The following IL1RAP variants were observed in gnomAD, a reference collection of about 807,000 sequenced individuals.
IL1RAP encodes the protein interleukin-1 receptor accessory protein.
In IL1RAP, 35 loss-of-function variants were observed where a neutral mutation model predicts 60.7. The observed-to-expected ratio is 0.58, with a 90% CI of 0.44 to 0.76. The LOEUF (loss-of-function observed/expected upper bound fraction) is 0.76, where lower values mean the gene tolerates loss of function less well. Ranked by LOEUF, IL1RAP falls within the 30% of genes least tolerant of loss-of-function variation. The pLI, the probability that IL1RAP is intolerant of heterozygous loss-of-function variation, is 0.00. For missense variants in IL1RAP, 572 were observed against 693.9 expected, an observed-to-expected ratio of 0.82 and a Z score of 1.97; for synonymous variants, 268 against 250.9, an observed-to-expected ratio of 1.07 and a Z score of -0.64.
intron 1 of IL1RAP, among the ~76,000 whole-genome samples, chr3:190,515,717 A>G (rs1291834364): frequency 6.6e-6 from 1 of 152,100 alleles, no homozygotes; most frequent in Non-Finnish European, 1.5e-5. Context: ...CAGAAAGACA[A>G]GAAGACAAAG....
At chr3:190,524,097 T>C (rs1722307596) in intron 1 of IL1RAP, among the ~76,000 whole-genome samples, 1 of 152,200 alleles carries the variant, frequency 6.6e-6, no homozygotes, top group Non-Finnish European at 1.5e-5. Context: ...TAGTTTTGAT[T>C]TGAATTTCTC....
chr3:190,622,916 G>A (rs1039966644), intron 6 of IL1RAP, among the ~76,000 whole-genome samples: 2 of 152,136 alleles, frequency 1.3e-5, no homozygotes, highest in Admixed American at 6.5e-5. Flanking sequence ...GGTCTTTCTG[G>A]CTACTAGCGC....
chr3:190,643,913 A>C (rs1255945041), intron 9 of IL1RAP, among the ~76,000 whole-genome samples: 1 of 152,192 alleles, frequency 6.6e-6, no homozygotes, highest in South Asian at 2.1e-4. Flanking sequence ...TAATTTTCAA[A>C]AATATTTGTA....
chr3:190,587,329 G>A (rs1286636773), intron 3 of IL1RAP, among the ~76,000 whole-genome samples: 1 of 152,154 alleles, frequency 6.6e-6, no homozygotes, highest in Non-Finnish European at 1.5e-5. Context: ...TGTTAAATGA[G>A]GGCCATAATA....
chr3:190,619,644 GA>G (rs1421885310), intron 5 of IL1RAP, among the ~76,000 whole-genome samples: 3 of 151,446 alleles, frequency 2.0e-5, no homozygotes, highest in Non-Finnish European at 4.4e-5. Flanking sequence ...AGAAGTGCTT[GA>G]ACCCAGAAGA....
chr3:190,656,970 G>T lies in IL1RAP; in HGVS notation c.*363G>T, dbSNP rs754299226. 92 of 169,122 alleles carry T rather than the reference G, an allele frequency of 5.4e-4. 1 individual carries two copies. Among genetic ancestry groups the T allele is most frequent in the Non-Finnish European group, 9.1e-4 (72 of 79,050 alleles). 10.5% of individuals were successfully genotyped at this position (169,122 alleles called of 1,614,324 possible). ...ATTATAAGTCAGTCAGGTGTACTTG[G>T]GCTATGATGCTTACAGGGTGTATGC... On this transcript the variant is annotated 3_prime_UTR_variant, in exon 12 of 12. Coordinates refer to the IL1RAP transcript ENST00000317757.
rs530000554 is a variant in IL1RAP at position 190,582,010 on chromosome 3, A to T, written c.64+17657A>T. On this transcript the variant is annotated intron_variant, in intron 3 of 11. Coordinates refer to ENST00000447382, the MANE Select transcript of IL1RAP (RefSeq NM_002182.4). ...AAAAAATAAAAATGAGGAATAACAT[A>T]AGGAGGATAAAAGATGTTGAGGCTG... 3.3e-5 allele frequency among the ~76,000 whole-genome samples: 5 copies of T among 152,344 alleles called. No homozygotes were observed. In the South Asian group the frequency reaches 1.0e-3, roughly 32 times the overall value.
chr3:190,592,212 G>T (rs755052908), intron 3 of IL1RAP, among the ~76,000 whole-genome samples: 1 of 152,198 alleles, frequency 6.6e-6, no homozygotes, highest in Non-Finnish European at 1.5e-5. Flanking sequence ...TAGAGACAGG[G>T]TTTCGCCATG....
intron 2 of IL1RAP, among the ~76,000 whole-genome samples, chr3:190,560,507 G>A (rs372685447): frequency 6.6e-6 from 1 of 152,334 alleles, no homozygotes; most frequent in East Asian, 1.9e-4. Context: ...GGGTGCTGAC[G>A]AGCACCAGGC....
chr3:190,628,470 C>A (rs972101963), intron 8 of IL1RAP, among the ~76,000 whole-genome samples: 3 of 152,154 alleles, frequency 2.0e-5, no homozygotes, highest in Non-Finnish European at 4.4e-5. Flanking sequence ...TAACCAAATT[C>A]TCATACCTGA....
intron 7 of IL1RAP, 148 bp from the exon 8 acceptor site, chr3:190,627,175 G>A (rs528716501): frequency 4.5e-4 from 286 of 641,090 alleles, no homozygotes; most frequent in Non-Finnish European, 6.8e-4. Context: ...CACATAACTC[G>A]TAGCTTCTGA....
intron 1 of IL1RAP, among the ~76,000 whole-genome samples, chr3:190,549,293 C>G (rs1724651770): frequency 6.6e-6 from 1 of 152,114 alleles, no homozygotes; most frequent in Non-Finnish European, 1.5e-5. Context: ...TCTAGGGACC[C>G]CTTTACACTT....
In IL1RAP at chr3:190,531,231, A is replaced by G. The variant is rs1466938271; in HGVS notation, c.-89+17012A>G. 2.0e-5 allele frequency among the ~76,000 whole-genome samples: 3 copies of G among 152,148 alleles called. No homozygotes were observed. The East Asian group carries it at 5.8e-4, about 29-fold the overall frequency. On this transcript the variant is annotated intron_variant, in intron 1 of 11. Transcript: ENST00000447382. ...GTGCCACCGTACTCTAGCCTGAGCA[A>G]CAGAGCAAGAACCTGTCTGTAACAA... is the stretch of plus-strand genomic sequence containing the variant.
At chr3:190,563,636 TGAGAA>T (rs1726105201) in intron 2 of IL1RAP, 1 of 152,182 alleles carries the variant, frequency 6.6e-6, no homozygotes, top group Non-Finnish European at 1.5e-5. Flanking sequence ...TGTCTTCCAG[TGAGAA>T]GAGGAGAGCA....
chr3:190,594,007 T>A (rs1198838293), intron 3 of IL1RAP, among the ~76,000 whole-genome samples: 1 of 152,220 alleles, frequency 6.6e-6, no homozygotes, highest in East Asian at 1.9e-4. Flanking sequence ...ATCTCAGGAA[T>A]TGTTCATCTA....
At chr3:190,586,386 A>T (rs959457716) in intron 3 of IL1RAP, among the ~76,000 whole-genome samples, 1 of 152,102 alleles carries the variant, frequency 6.6e-6, no homozygotes, top group Admixed American at 6.5e-5. Flanking sequence ...GCCATAAGCC[A>T]CAGTTCACCT....
chr3:190,528,961 G>A (rs755809763), intron 1 of IL1RAP, among the ~76,000 whole-genome samples: 7 of 152,192 alleles, frequency 4.6e-5, no homozygotes, highest in Non-Finnish European at 7.3e-5. Context: ...CTGGGCAACT[G>A]AAGGCCTAGG....
chr3:190,566,000 T>A (rs1726356758), intron 3 of IL1RAP, among the ~76,000 whole-genome samples: 1 of 151,912 alleles, frequency 6.6e-6, no homozygotes. Context: ...TGTTTCCTCC[T>A]CCTTTTCCTT....
intron 1 of IL1RAP, among the ~76,000 whole-genome samples, chr3:190,523,593 C>T (rs1310392867): frequency 6.6e-6 from 1 of 152,072 alleles, no homozygotes. Flanking sequence ...CATTTAGCTC[C>T]CAATTCTAAG....
Sources: gnomAD v4.1 joint callset for allele counts (sites outside exome capture counted in the v4.1 genomes callset) on GRCh38, gnomAD v4.1.1 for gene constraint, MANE v1.5 for transcripts, NCBI Gene and HGNC (gene_info 2026-07-23, HGNC 2026-07-21) for gene names.